CEP85L: variants seen among roughly 807,000 people sequenced by gnomAD.
CEP85L encodes the protein centrosomal protein 85L.
A neutral mutation model predicts 100.3 loss-of-function variants in CEP85L; 60 were observed. That is an observed-to-expected ratio of 0.60 (90% confidence interval 0.49 to 0.74). The LOEUF (loss-of-function observed/expected upper bound fraction) is 0.74, where lower values mean the gene tolerates loss of function less well. Ranked by LOEUF, CEP85L falls within the 30% of genes least tolerant of loss-of-function variation. CEP85L has a pLI of 0.00. For synonymous variants in CEP85L, 319 were observed against 322.7 expected (o/e 0.99, Z 0.12); for missense variants, 973 against 936.2 (o/e 1.04, Z -0.51).
chr6:118,497,735 G>A (rs1213278738), intron 5 of CEP85L, among the ~76,000 whole-genome samples: 2 of 152,180 alleles, frequency 1.3e-5, no homozygotes, highest in Non-Finnish European at 2.9e-5. Flanking sequence ...TGCAAGAAAT[G>A]TTAAAAGCCT....
At chr6:118,578,766 G>A (rs1329364227) in intron 2 of CEP85L, among the ~76,000 whole-genome samples, 1 of 152,080 alleles carries the variant, frequency 6.6e-6, no homozygotes, top group Non-Finnish European at 1.5e-5. Flanking sequence ...CTTTTGTTCG[G>A]TGTGCTCTCG....
chr6:118,532,361 G>A (rs969256729), intron 3 of CEP85L, among the ~76,000 whole-genome samples: 5 of 152,036 alleles, frequency 3.3e-5, no homozygotes, highest in Admixed American at 1.3e-4. Context: ...CTTGATGAGG[G>A]GGGCGGGTGG....
At chr6:118,556,131 G>A (rs1007366762) in intron 3 of CEP85L, among the ~76,000 whole-genome samples, 2 of 152,034 alleles carry the variant, frequency 1.3e-5, no homozygotes, top group Non-Finnish European at 1.5e-5. Flanking sequence ...ATGTCTTTAC[G>A]GCAGAAAGAT....
At chr6:118,674,595 T>C (rs1776422621) in intron 1 of CEP85L, among the ~76,000 whole-genome samples, 1 of 150,926 alleles carries the variant, frequency 6.6e-6, no homozygotes, top group African/African-American at 2.4e-5. Flanking sequence ...TGATAAGGGA[T>C]TTGTATCCAG....
intron 1 of CEP85L, among the ~76,000 whole-genome samples, chr6:118,686,516 G>A (rs1363662432): frequency 2.0e-5 from 3 of 152,100 alleles, no homozygotes; most frequent in Non-Finnish European, 2.9e-5. Flanking sequence ...GCATGTTTTT[G>A]ATGCTATCCA....
At chr6:118,671,078 T>C (rs1776292766) in intron 1 of CEP85L, among the ~76,000 whole-genome samples, 1 of 152,196 alleles carries the variant, frequency 6.6e-6, no homozygotes, top group African/African-American at 2.4e-5. Context: ...TGGCAAACTT[T>C]TGGAGAAATT....
chr6:118,579,598 A>G (rs1340105622), intron 2 of CEP85L, among the ~76,000 whole-genome samples: 3 of 152,256 alleles, frequency 2.0e-5, no homozygotes, highest in Non-Finnish European at 4.4e-5. Flanking sequence ...TTGAAAACAC[A>G]AAGTTTCTTA....
rs770769422 is a variant in CEP85L, at chr6:118,463,255, A to T, written c.*2150T>A. On this transcript the variant is annotated 3_prime_UTR_variant, in exon 13 of 13. Coordinates refer to ENST00000368491, the MANE Select transcript of CEP85L (RefSeq NM_001042475.3). ...ACAAACTGTAACGTCTGCTTAAAAAAAAAAAAATAAATAAACCCATAAAAT... is the reference window on the plus strand; with the variant it reads ...ACAAACTGTAACGTCTGCTTAAAAATAAAAAAATAAATAAACCCATAAAAT... The T allele has an allele frequency of 4.9e-4, 75 of 151,996 alleles. No homozygotes were observed. The highest frequency in any genetic ancestry group is 4.6e-3 in the Admixed American group (70 of 15,250). 9.4% of individuals were successfully genotyped at this position (151,996 alleles called of 1,614,324 possible).
rs79654801 is a variant in CEP85L at position 118,576,226 on chromosome 6, C to T, written c.233-9910G>A. 1.7e-3 allele frequency among the ~76,000 whole-genome samples: 254 copies of T among 152,312 alleles called. 2 individuals carry two copies. The highest frequency in any genetic ancestry group is 5.9e-3 in the African/African-American group (247 of 41,578). ...ACTGCCCCCCTCAAAAAGACCTTAG[C>T]CTGTCTGTCTCTTTCCTCCCTCAGG... On this transcript the variant is annotated intron_variant, in intron 2 of 12. Coordinates refer to ENST00000368491, the MANE Select transcript of CEP85L (RefSeq NM_001042475.3).
intron 1 of CEP85L, among the ~76,000 whole-genome samples, chr6:118,695,947 C>A (rs1289422107): frequency 6.6e-6 from 1 of 152,094 alleles, no homozygotes; most frequent in Non-Finnish European, 1.5e-5. Flanking sequence ...TTAGTATATA[C>A]AGGATGGTTG....
At chr6:118,586,517 C>T (rs899574301) in intron 2 of CEP85L, among the ~76,000 whole-genome samples, 5 of 152,086 alleles carry the variant, frequency 3.3e-5, no homozygotes, top group African/African-American at 1.2e-4. Flanking sequence ...TCACACTGTT[C>T]TTCTTCCAAC....
At chr6:118,629,538 T>G (rs1229950091) in intron 2 of CEP85L, among the ~76,000 whole-genome samples, 2 of 152,162 alleles carry the variant, frequency 1.3e-5, no homozygotes, top group Non-Finnish European at 2.9e-5. Flanking sequence ...AAATGCTAAG[T>G]AGGATGTGGA....
chr6:118,687,079 A>T (rs1183927580), intron 1 of CEP85L, among the ~76,000 whole-genome samples: 1 of 152,140 alleles, frequency 6.6e-6, no homozygotes, highest in African/African-American at 2.4e-5. Context: ...GGGCTCATAC[A>T]TAGTCTGTTC....
At chr6:118,486,330 T>G (rs563642457) in intron 6 of CEP85L, among the ~76,000 whole-genome samples, 1 of 152,332 alleles carries the variant, frequency 6.6e-6, no homozygotes, top group East Asian at 1.9e-4. Context: ...AGGCTAAGTT[T>G]TTCTTTTCAA....
chr6:118,704,936 T>G (rs1175522454), intron 1 of CEP85L, among the ~76,000 whole-genome samples: 2 of 152,200 alleles, frequency 1.3e-5, no homozygotes, highest in Admixed American at 6.5e-5. Context: ...TTCCTGTTTC[T>G]AAGTATTTAC....
At chr6:118,591,151 A>G (rs1405208928) in intron 2 of CEP85L, among the ~76,000 whole-genome samples, 1 of 152,220 alleles carries the variant, frequency 6.6e-6, no homozygotes, top group African/African-American at 2.4e-5. Context: ...AAGATACAAA[A>G]ATATGCCTCC....
chr6:118,664,179 G>A (rs188691162), intron 1 of CEP85L, among the ~76,000 whole-genome samples: 2 of 152,212 alleles, frequency 1.3e-5, no homozygotes, highest in East Asian at 3.9e-4. Context: ...CATGGTATAA[G>A]CCACTGCACC....
At chr6:118,667,804 G>C (rs963672615) in intron 1 of CEP85L, among the ~76,000 whole-genome samples, 1 of 152,178 alleles carries the variant, frequency 6.6e-6, no homozygotes, top group African/African-American at 2.4e-5. Context: ...TACCCACTGT[G>C]TGTCTGGAGA....
At chr6:118,527,322 G>C (rs7741644) in intron 3 of CEP85L, among the ~76,000 whole-genome samples, 2 of 151,850 alleles carry the variant, frequency 1.3e-5, no homozygotes, top group South Asian at 2.1e-4. Context: ...CTTAACAAAC[G>C]TGCTTTCCCT....
Sources: gnomAD v4.1 joint callset for allele counts (sites outside exome capture counted in the v4.1 genomes callset) on GRCh38, gnomAD v4.1.1 for gene constraint, MANE v1.5 for transcripts, NCBI Gene and HGNC (gene_info 2026-07-23, HGNC 2026-07-21) for gene names.